Variants in IL9R observed in about 807,000 individuals in gnomAD.
The protein encoded by IL9R is interleukin-9 receptor.
IL9R carries 54 observed loss-of-function variants against 56.3 expected under a neutral mutation model. That is an observed-to-expected ratio of 0.96 (90% CI 0.77 to 1.20). The LOEUF is 1.20. Among genes scored for constraint, IL9R ranks in the 50% most tolerant of loss-of-function variants. The probability of loss-of-function intolerance (pLI) is 0.00; values close to 1 mark genes in which losing one functional copy is unlikely to be tolerated. For synonymous variants in IL9R, 212 were observed against 250.2 expected, an observed-to-expected ratio of 0.85 and a Z score of 1.44; for missense variants, 545 against 629.8, an observed-to-expected ratio of 0.87 and a Z score of 1.44.
rs1174706118 is a variant in IL9R, at chrX:156,009,671, C to T, written c.973-145C>T. On this transcript the variant is annotated intron_variant, in intron 8 of 8. Coordinates refer to ENST00000244174, the MANE Select transcript of IL9R (RefSeq NM_002186.3). ...AAAGACAGAATGTCCAAGACACAGG[C>T]GCTGCTTGGCCTCTGGGTGTGGACC... The T allele has an allele frequency of 4.1e-5, 21 of 511,926 alleles. 1 individual carries two copies. The highest frequency in any genetic ancestry group is 2.1e-4 in the African/African-American group (8 of 38,492). 31.7% of individuals were successfully genotyped at this position (511,926 alleles called of 1,614,324 possible). A position where few individuals can be genotyped will look rare whatever the true frequency, so the allele number is the denominator to read the frequency against.
At position 156,010,231 on chromosome X, in the gene IL9R, G is replaced by C; in HGVS notation, c.1388G>C (p.Ser463Thr). The change falls in exon 9 of 9, where the codon AGC (serine) becomes ACC (threonine). Residue 463 changes from serine (S) to threonine (T), a missense_variant. By Grantham distance (58) the Ser-to-Thr change is moderately conservative (BLOSUM62 1). This residue lies in a region of IL9R where 114 missense variants were observed against 269.8 expected (regional missense o/e 0.42). Coordinates refer to ENST00000244174, the MANE Select transcript of IL9R (RefSeq NM_002186.3). Reference protein sequence around the residue: ...HLSALPGNTQSSGPIPALACG... With the variant: ...HLSALPGNTQTSGPIPALACG... ...TCAGCCCTCCCAGGAAACACACAGA[G>C]CTCTGGGCCCATCCCAGCCCTGGCC... 1.5e-6 allele frequency: 2 copies of C among 1,348,656 alleles called. No homozygotes were observed. Among genetic ancestry groups the C allele is most frequent in the South Asian group, 2.8e-5 (2 of 70,742 alleles). The allele number at this position is 1,348,656 out of a possible 1,614,324, so 83.5% of individuals were successfully genotyped here.
chrX:156,009,252 CTGTGTGTGTGTGTTTGTGTGTGTA>C (rs2068286934), intron 8 of IL9R, among the ~76,000 whole-genome samples: 2 of 69,612 alleles, frequency 2.9e-5, no homozygotes, highest in African/African-American at 1.1e-4. Flanking sequence ...GTGTGTGTGT[CTGTGTGTGTGTGTTTGTGTGTGTA>C]TGTCTGTGTG....
chrX:156,005,143 GGTGA>G lies in IL9R; in HGVS notation c.580-131_580-128del, dbSNP rs1431166309. ...TGTGTGTGTGTGTGCACGTGAATGT[GGTGA>G]GTGTGTCTGTGTGTTAACACAAGTG... On this transcript the variant is annotated intron_variant, in intron 5 of 8. Transcript: ENST00000244174. 253 of 708,164 alleles carry G rather than the reference GGTGA, an allele frequency of 3.6e-4. 1 individual carries two copies. The East Asian group carries it at 4.1e-3, about 11-fold the overall frequency. The allele number at this position is 708,164 out of a possible 1,614,324, so 43.9% of individuals were successfully genotyped here.
At chrX:156,003,081 C>G in intron 2 of IL9R, 62 bp downstream of exon 2, 1 of 1,601,616 alleles carries the variant, frequency 6.2e-7, no homozygotes, top group Non-Finnish European at 8.5e-7. Flanking sequence ...GTTTGGGGGA[C>G]TGGGTTGTCC....
intron 8 of IL9R, among the ~76,000 whole-genome samples, chrX:156,009,001 TTGTGTGTGTGTGTCTCTGTGTGTG>T (rs1356342012): frequency 7.5e-6 from 1 of 133,680 alleles, no homozygotes; most frequent in Non-Finnish European, 1.7e-5. Flanking sequence ...CTGTGTGTGT[TTGTGTGTGTGTGTCTCTGTGTGTG>T]TGTCTGTATC....
rs191503376 is a variant in IL9R at position 156,009,935 on chromosome X, G to A, written c.1092G>A (p.Ala364=). Residue 364 remains alanine, a synonymous_variant, in exon 9 of 9, where the codon GCG becomes GCA. Coordinates refer to ENST00000244174, the MANE Select transcript of IL9R (RefSeq NM_002186.3). Reference sequence around the variant, plus strand: ...CTGCACTGCTCACTTGTGGCCCAGCGCGTCCTTGGAAATCTGTGGCCCTGG... The same window carrying A: ...CTGCACTGCTCACTTGTGGCCCAGCACGTCCTTGGAAATCTGTGGCCCTGG... ...EATALLTCGP[A]RPWKSVALEE... 1.2e-4 allele frequency: 194 copies of A among 1,556,632 alleles called. 11 individuals carry two copies. In the Admixed American group the frequency reaches 2.0e-3, roughly 16 times the overall value.
At chrX:156,001,426 A>G (rs2067514755) in intron 1 of IL9R, 1 of 1,610,118 alleles carries the variant, frequency 6.2e-7, no homozygotes, top group Non-Finnish European at 8.5e-7. Context: ...GCAAGAACGG[A>G]CAGACACTGC....
chrX:155,997,912 A>G, intron 1 of IL9R, 125 bp downstream of exon 1: 2 of 875,028 alleles, frequency 2.3e-6, no homozygotes, highest in Non-Finnish European at 3.8e-6. Flanking sequence ...GCGCCACCCT[A>G]GCTTTACCTC....
intron 1 of IL9R, among the ~76,000 whole-genome samples, chrX:155,999,327 C>T (rs888789656): frequency 1.5e-4 from 23 of 152,088 alleles, no homozygotes; most frequent in Admixed American, 5.2e-4. Flanking sequence ...TGTGGCCCAG[C>T]GTTCCCACAG....
chrX:156,004,073 C>T (rs758006935), intron 4 of IL9R: 73 of 611,526 alleles, frequency 1.2e-4, no homozygotes, highest in African/African-American at 4.6e-4. Flanking sequence ...TAAACATGCA[C>T]GGCTGCTAGT....
chrX:156,005,654 C>G (rs2124526501), intron 6 of IL9R, among the ~76,000 whole-genome samples, 175 bp downstream of exon 6: 1 of 152,256 alleles, frequency 6.6e-6, no homozygotes, highest in Non-Finnish European at 1.5e-5. Context: ...GACAGAAACA[C>G]CTGCCAACTC....
At chrX:156,000,467 C>G (rs1331318138) in intron 1 of IL9R, among the ~76,000 whole-genome samples, 1 of 152,160 alleles carries the variant, frequency 6.6e-6, no homozygotes, top group African/African-American at 2.4e-5. Context: ...CCAAAGTGAT[C>G]ATGGGCTGAA....
In IL9R at chrX:156,008,869, C is replaced by CTGTG. The variant is rs1283159353; in HGVS notation, c.973-929_973-926dup. Among the ~76,000 whole-genome samples the CTGTG allele has an allele frequency of 7.6e-3, 1,125 of 147,592 alleles. 2 individuals are homozygous for CTGTG. Among genetic ancestry groups the CTGTG allele is most frequent in the African/African-American group, 0.022 (889 of 39,804 alleles). On this transcript the variant is annotated intron_variant, in intron 8 of 8. Coordinates refer to ENST00000244174, the MANE Select transcript of IL9R (RefSeq NM_002186.3). ...TCCTGACAGCGATTCGTGTGTGTGT[C>CTGTG]TGTGTGTGTGTGTGTGTGTGTTTAT...
chrX:156,005,273 C>G lies in IL9R; in HGVS notation c.580-5C>G, dbSNP rs1603159098. On this transcript the variant is annotated splice_region_variant and splice_polypyrimidine_tract_variant and intron_variant, in intron 5 of 8. Transcript: ENST00000244174. ...ACCACCTGCTAACTGTCCCCACCCC[C>G]ACAGCAGGCCCAGCACAGGGATCAC... is the stretch of plus-strand genomic sequence containing the variant. 1 of 1,611,844 alleles carries G rather than the reference C, an allele frequency of 6.2e-7. No homozygotes were observed. Among genetic ancestry groups the G allele is most frequent in the African/African-American group, 1.3e-5 (1 of 74,954 alleles).
chrX:156,001,456 T>C lies in IL9R; in HGVS notation c.29-1450T>C, dbSNP rs186019533. ...CACTGCTGCAGAGAACTTGCCACGG[T>C]GTTTCATGCTGTGGCTGGTGGTTCC... On this transcript the variant is annotated intron_variant, in intron 1 of 8. Coordinates refer to ENST00000244174, the MANE Select transcript of IL9R (RefSeq NM_002186.3). The C allele has an allele frequency of 8.7e-4, 1,403 of 1,610,622 alleles. 9 individuals are homozygous for C. In the African/African-American group the frequency reaches 0.015, roughly 17 times the overall value.
chrX:155,997,880 G>A, intron 1 of IL9R, 93 bp downstream of exon 1: 5 of 1,224,180 alleles, frequency 4.1e-6, no homozygotes, highest in Non-Finnish European at 6.0e-6. Flanking sequence ...CGGGGCCCAG[G>A]GAGCCACTGT....
intron 1 of IL9R, chrX:156,001,558 C>A: frequency 7.9e-7 from 1 of 1,264,312 alleles, no homozygotes; most frequent in Non-Finnish European, 1.2e-6. Flanking sequence ...CTATGGGTAC[C>A]TGTATACGCT....
At chrX:156,006,459 A>C (rs2067965023) in intron 7 of IL9R, among the ~76,000 whole-genome samples, 1 of 149,690 alleles carries the variant, frequency 6.7e-6, no homozygotes, top group South Asian at 2.2e-4. Context: ...GGCTGAAGAT[A>C]AGGGCAGCTT....
At chrX:155,998,787 G>A (rs911986379) in intron 1 of IL9R, among the ~76,000 whole-genome samples, 3 of 151,980 alleles carry the variant, frequency 2.0e-5, no homozygotes, top group Non-Finnish European at 4.4e-5. Context: ...ATCAAACAGG[G>A]TCTTGCCTCC....
Sources: gnomAD v4.1 joint callset for allele counts (sites outside exome capture counted in the v4.1 genomes callset) on GRCh38, gnomAD v4.1.1 for gene constraint, gnomAD v4.1.1 regional missense constraint, MANE v1.5 for transcripts, NCBI Gene and HGNC (gene_info 2026-07-23, HGNC 2026-07-21) for gene names.